ZNF93: variants seen among roughly 807,000 people sequenced by gnomAD.
ZNF93 encodes the protein zinc finger protein 505.
Under a neutral mutation model 45.0 loss-of-function variants are expected in ZNF93, and 29 were observed. That is an observed-to-expected ratio of 0.64 (90% confidence interval 0.48 to 0.88). The LOEUF (loss-of-function observed/expected upper bound fraction) is 0.88. ZNF93 is among the 40% of genes least tolerant of loss of function. The pLI is 0.00. For synonymous variants in ZNF93, 223 were observed against 244.6 expected, an observed-to-expected ratio of 0.91 and a Z score of 0.82; for missense variants, 578 against 724.0, an observed-to-expected ratio of 0.80 and a Z score of 2.31.
At chr19:19,916,906 A>T (rs1335657022) in intron 3 of ZNF93, among the ~76,000 whole-genome samples, 1 of 151,866 alleles carries the variant, frequency 6.6e-6, no homozygotes, top group Non-Finnish European at 1.5e-5. Context: ...TCTCAGTGAG[A>T]GCCACAGTCC....
At position 19,929,794 on chromosome 19, in the gene ZNF93, C is replaced by T. The variant is rs1411360964; in HGVS notation, c.227-3388C>T. Among the ~76,000 whole-genome samples the T allele has an allele frequency of 3.3e-5, 5 of 151,190 alleles. No individual in the cohort carries two copies. In the South Asian group the frequency reaches 6.3e-4, roughly 19 times the overall value. The stretch of plus-strand genomic sequence containing the variant: ...TCTACTAAAAATACAAAAAATTAGC[C>T]GGGCGTAGTGGCGGGCGCCTGTAGT... On this transcript the variant is annotated intron_variant, in intron 3 of 3. Coordinates refer to ENST00000343769, the MANE Select transcript of ZNF93 (RefSeq NM_031218.4).
chr19:19,901,159 T>G (rs1165162803), intron 1 of ZNF93, 68 bp downstream of exon 1: 12 of 1,607,948 alleles, frequency 7.5e-6, no homozygotes, highest in Non-Finnish European at 1.0e-5. Context: ...AAAGTGACGG[T>G]GGCGGGACTC....
At chr19:19,910,223 G>A (rs2063303815) in intron 1 of ZNF93, among the ~76,000 whole-genome samples, 1 of 150,662 alleles carries the variant, frequency 6.6e-6, no homozygotes, top group Non-Finnish European at 1.5e-5. Flanking sequence ...AGATTTGGGG[G>A]AAAAAAAAAC....
intron 1 of ZNF93, among the ~76,000 whole-genome samples, chr19:19,910,892 T>G (rs1013097355): frequency 6.6e-6 from 1 of 152,216 alleles, no homozygotes; most frequent in African/African-American, 2.4e-5. Flanking sequence ...ATTGTGAATG[T>G]AAACATAGAC....
chr19:19,915,427 T>G, intron 2 of ZNF93, 21 bp downstream of exon 2: 2 of 1,605,306 alleles, frequency 1.2e-6, no homozygotes, highest in South Asian at 2.2e-5. Context: ...CTTTAATACA[T>G]AATTCATAAT....
At position 19,934,951 on chromosome 19, in the gene ZNF93, A is replaced by G; in HGVS notation, c.*133A>G. 2 of 1,030,288 alleles carry G rather than the reference A, an allele frequency of 1.9e-6. No homozygotes were observed. The highest frequency in any genetic ancestry group is 2.7e-6 in the Non-Finnish European group (2 of 728,182). The allele number at this position is 1,030,288 out of a possible 1,614,324, so 63.8% of individuals were successfully genotyped here. A position where few individuals can be genotyped will look rare whatever the true frequency, so the allele number is the denominator to read the frequency against. ...TGGCAGAGGTCCTGCCATTTCGGAG[A>G]CCTGGAGGAAGTGGCCCATTTACAG... is the stretch of plus-strand genomic sequence containing the variant. On this transcript the variant is annotated 3_prime_UTR_variant, in exon 4 of 4. Transcript: ENST00000343769.
intron 2 of ZNF93, among the ~76,000 whole-genome samples, 194 bp from the exon 3 acceptor site, chr19:19,916,366 G>A (rs1184835862): frequency 6.6e-6 from 1 of 152,100 alleles, no homozygotes; most frequent in African/African-American, 2.4e-5. Context: ...CCAAATTGCT[G>A]GGATCACAGG....
chr19:19,902,699 G>C (rs916265682), intron 1 of ZNF93, among the ~76,000 whole-genome samples: 2 of 151,440 alleles, frequency 1.3e-5, no homozygotes, highest in Admixed American at 6.6e-5. Flanking sequence ...CCCACAAGCA[G>C]ATGCAGTTAA....
In ZNF93 at chr19:19,929,894, C is replaced by T. The variant is rs1204824347; in HGVS notation, c.227-3288C>T. 7.9e-5 allele frequency among the ~76,000 whole-genome samples: 11 copies of T among 138,588 alleles called. No homozygotes were observed. The East Asian group carries it at 1.5e-3, about 19-fold the overall frequency. 90.9% of individuals were successfully genotyped at this position (138,588 alleles called of 152,430 possible). A position where few individuals can be genotyped will look rare whatever the true frequency, so the allele number is the denominator to read the frequency against. The stretch of plus-strand genomic sequence containing the variant: ...CGGAGCTTGCAGTGAGCCGAGATCG[C>T]GCCACTGCACTCCAGCCTGGGCAAC... On this transcript the variant is annotated intron_variant, in intron 3 of 3. Coordinates refer to ENST00000343769, the MANE Select transcript of ZNF93 (RefSeq NM_031218.4).
chr19:19,934,932 A>G lies in ZNF93; in HGVS notation c.*114A>G. 2 of 1,186,552 alleles carry G rather than the reference A, an allele frequency of 1.7e-6. No homozygotes were observed. The highest frequency in any genetic ancestry group is 1.2e-6 in the Non-Finnish European group (1 of 859,806). 73.5% of individuals were successfully genotyped at this position (1,186,552 alleles called of 1,614,324 possible). A position where few individuals can be genotyped will look rare whatever the true frequency, so the allele number is the denominator to read the frequency against. On this transcript the variant is annotated 3_prime_UTR_variant, in exon 4 of 4. Transcript: ENST00000343769. ...ACTCCTCCCAGGCACAGTCTGGCAGAGGTCCTGCCATTTCGGAGACCTGGA... is the reference window on the plus strand; with the variant it reads ...ACTCCTCCCAGGCACAGTCTGGCAGGGGTCCTGCCATTTCGGAGACCTGGA...
At chr19:19,902,264 T>G (rs188350571) in intron 1 of ZNF93, among the ~76,000 whole-genome samples, 274 of 152,224 alleles carry the variant, frequency 1.8e-3, no homozygotes, top group African/African-American at 6.3e-3. Flanking sequence ...CAGAAGGTTT[T>G]TTTTTTGGAC....
At position 19,901,015 on chromosome 19, in the gene ZNF93, G is replaced by T. The variant is rs938108133; in HGVS notation, c.-74G>T. 5 of 1,596,094 alleles carry T rather than the reference G, an allele frequency of 3.1e-6. No homozygotes were observed. The African/African-American group carries it at 5.4e-5, about 17-fold the overall frequency. ...TGTGTCCTGTGCTCCTACAGGCCCAGCCTCTGTGGCCCTGTGACCTGCAGG... is the reference window on the plus strand; with the variant it reads ...TGTGTCCTGTGCTCCTACAGGCCCATCCTCTGTGGCCCTGTGACCTGCAGG... On this transcript the variant is annotated 5_prime_UTR_variant, in exon 1 of 4. Transcript: ENST00000343769.
rs1419862155 is a variant in ZNF93, at chr19:19,934,660, G to C, written c.1705G>C (p.Glu569Gln). 1 of 1,613,694 alleles carries C rather than the reference G, an allele frequency of 6.2e-7. No individual in the cohort carries two copies. The change falls in exon 4 of 4, where the codon GAA becomes CAA. Residue 569 changes from glutamate (E) to glutamine (Q), a missense_variant. Transcript: ENST00000343769. The stretch of plus-strand genomic sequence containing the variant: ...TGGAGAGAAACCTTATAGATGTAGA[G>C]AATGTGGCAAAGCTTTTAACCATTC... ...HTGEKPYRCRECGKAFNHSAT... is the reference protein window; with the variant it reads ...HTGEKPYRCRQCGKAFNHSAT...
chr19:19,923,515 G>A (rs2063347600), intron 3 of ZNF93, among the ~76,000 whole-genome samples: 1 of 152,200 alleles, frequency 6.6e-6, no homozygotes, highest in South Asian at 2.1e-4. Flanking sequence ...GCCCCCAGAG[G>A]TGGAGTCTAC....
At chr19:19,916,478 A>G in intron 2 of ZNF93, 82 bp from the exon 3 acceptor site, 1 of 1,049,050 alleles carries the variant, frequency 9.5e-7, no homozygotes, top group South Asian at 1.5e-5. Flanking sequence ...ATATTTTATC[A>G]CATCGTCTTT....
chr19:19,932,812 A>G (rs555612930), intron 3 of ZNF93: 2 of 155,004 alleles, frequency 1.3e-5, no homozygotes, highest in African/African-American at 4.8e-5. Flanking sequence ...TGGGTACTTT[A>G]TTGTCTGTTT....
chr19:19,915,526 A>G (rs2063321235), intron 2 of ZNF93, 120 bp downstream of exon 2: 1 of 1,358,234 alleles, frequency 7.4e-7, no homozygotes. Flanking sequence ...CATTTTTTCC[A>G]GAAAATCTTC....
At chr19:19,929,713 C>T (rs1167998523) in intron 3 of ZNF93, among the ~76,000 whole-genome samples, 2 of 151,462 alleles carry the variant, frequency 1.3e-5, no homozygotes, top group Non-Finnish European at 2.9e-5. Flanking sequence ...CCGAGGCGGG[C>T]GGATCACGAG....
intron 3 of ZNF93, among the ~76,000 whole-genome samples, chr19:19,929,044 G>T (rs780410599): frequency 6.6e-5 from 10 of 152,128 alleles, no homozygotes; most frequent in Admixed American, 1.3e-4. Flanking sequence ...GTCATTGGGG[G>T]CAAATTTCTC....
Sources: allele counts gnomAD v4.1 joint callset (sites outside exome capture counted in the v4.1 genomes callset), GRCh38; gene constraint gnomAD v4.1.1; transcripts MANE v1.5; gene names NCBI Gene and HGNC (gene_info 2026-07-23, HGNC 2026-07-21).